CTNNAL1: variants seen among roughly 807,000 people sequenced by gnomAD.
The protein encoded by CTNNAL1 is alpha-catulin.
Under a neutral mutation model 93.6 loss-of-function variants are expected in CTNNAL1, and 69 were observed. The ratio of observed to expected loss-of-function variants is 0.74; its 90% confidence interval spans 0.61 to 0.90. The LOEUF (loss-of-function observed/expected upper bound fraction) is 0.90, where lower values mean the gene tolerates loss of function less well. CTNNAL1 is among the 40% of genes least tolerant of loss of function. The pLI, the probability that CTNNAL1 is intolerant of heterozygous loss-of-function variation, is 0.00. For synonymous variants in CTNNAL1, 286 were observed against 305.4 expected, an observed-to-expected ratio of 0.94 and a Z score of 0.66; for missense variants, 836 against 862.0, an observed-to-expected ratio of 0.97 and a Z score of 0.38.
chr9:108,984,660 G>A (rs1831547210), intron 4 of CTNNAL1, among the ~76,000 whole-genome samples: 2 of 152,044 alleles, frequency 1.3e-5, no homozygotes, highest in South Asian at 4.1e-4. Flanking sequence ...GGGCTAGAGA[G>A]CCAGAAACTG....
intron 4 of CTNNAL1, 139 bp downstream of exon 4, chr9:108,990,587 T>C: frequency 9.9e-7 from 1 of 1,010,180 alleles, no homozygotes; most frequent in East Asian, 2.8e-5. Context: ...TCCTGGCTTA[T>C]CTATGAAAGG....
chr9:108,966,525 T>C (rs573437978), intron 10 of CTNNAL1, among the ~76,000 whole-genome samples: 2 of 152,102 alleles, frequency 1.3e-5, no homozygotes, highest in East Asian at 3.9e-4. Context: ...CCACATCTGA[T>C]GGTTCAATGC....
At chr9:108,969,038 G>A (rs1387971312) in intron 10 of CTNNAL1, among the ~76,000 whole-genome samples, 6 of 152,084 alleles carry the variant, frequency 3.9e-5, no homozygotes, top group Non-Finnish European at 8.8e-5. Flanking sequence ...TTGGGAGGCC[G>A]AGGCGGGGGG....
chr9:108,943,624 C>T, intron 17 of CTNNAL1, 79 bp downstream of exon 17: 1 of 1,210,548 alleles, frequency 8.3e-7, no homozygotes, highest in Non-Finnish European at 1.1e-6. Context: ...TCTGTGGGTA[C>T]TAACAGTTTA....
At chr9:108,976,058 A>G (rs1831258145) in intron 8 of CTNNAL1, among the ~76,000 whole-genome samples, 1 of 152,238 alleles carries the variant, frequency 6.6e-6, no homozygotes, top group South Asian at 2.1e-4. Flanking sequence ...GATACTGTTC[A>G]GTGAGTTTTG....
chr9:108,990,889 A>G, intron 3 of CTNNAL1, 44 bp from the exon 4 acceptor site: 1 of 1,578,804 alleles, frequency 6.3e-7, no homozygotes, highest in Non-Finnish European at 8.6e-7. Context: ...GAGCTACTCA[A>G]GAGACTGAGA....
chr9:108,961,063 G>T (rs1004750006), intron 11 of CTNNAL1, among the ~76,000 whole-genome samples: 1 of 142,820 alleles, frequency 7.0e-6, no homozygotes, highest in Non-Finnish European at 1.5e-5. Context: ...TAGTTGGATG[G>T]TTGAATGATA....
At chr9:108,989,037 G>A (rs1005880439) in intron 4 of CTNNAL1, among the ~76,000 whole-genome samples, 3 of 152,194 alleles carry the variant, frequency 2.0e-5, no homozygotes, top group African/African-American at 7.2e-5. Context: ...CACATTTAAT[G>A]AGCTAAATTG....
chr9:109,006,448 T>C (rs11788284), intron 1 of CTNNAL1, among the ~76,000 whole-genome samples: 5,657 of 152,308 alleles, frequency 0.037, 173 homozygotes, highest in Middle Eastern at 0.061. Context: ...ACCTACACTC[T>C]TAATCACTAC....
At chr9:108,950,375 A>G (rs1489966531) in intron 14 of CTNNAL1, 1 of 969,948 alleles carries the variant, frequency 1.0e-6, no homozygotes, top group Non-Finnish European at 1.5e-6. Context: ...TGCTAACAAC[A>G]GTTAAGAACA....
chr9:108,963,291 T>C (rs1229626477), intron 11 of CTNNAL1, among the ~76,000 whole-genome samples: 1 of 152,198 alleles, frequency 6.6e-6, no homozygotes, highest in Non-Finnish European at 1.5e-5. Flanking sequence ...CAGCCCGATT[T>C]AGAAACTGCG....
chr9:109,002,459 A>G (rs1826865656), intron 1 of CTNNAL1, among the ~76,000 whole-genome samples: 1 of 152,196 alleles, frequency 6.6e-6, no homozygotes, highest in African/African-American at 2.4e-5. Context: ...TCTTACCGGA[A>G]ACTGGAGAAA....
At chr9:108,960,060 A>G (rs1018516792) in intron 11 of CTNNAL1, among the ~76,000 whole-genome samples, 5 of 152,210 alleles carry the variant, frequency 3.3e-5, no homozygotes, top group African/African-American at 1.2e-4. Context: ...ATTTCTTATA[A>G]TTAGCTATCT....
chr9:109,007,162 G>A (rs1006416365), intron 1 of CTNNAL1, among the ~76,000 whole-genome samples: 2 of 152,054 alleles, frequency 1.3e-5, no homozygotes, highest in Non-Finnish European at 2.9e-5. Flanking sequence ...TTGAACCCAG[G>A]AGGTGGAGGT....
chr9:108,980,016 CCTTA>C (rs1831383092), intron 6 of CTNNAL1, among the ~76,000 whole-genome samples: 1 of 152,168 alleles, frequency 6.6e-6, no homozygotes, highest in Admixed American at 6.5e-5. Flanking sequence ...CCCAACAGCA[CCTTA>C]CTGACCCAAA....
chr9:108,985,047 T>TG lies in CTNNAL1; in HGVS notation c.640-612dup, dbSNP rs553632499. Among the ~76,000 whole-genome samples the TG allele has an allele frequency of 2.7e-3, 416 of 152,250 alleles. 4 individuals are homozygous for TG. Among genetic ancestry groups the TG allele is most frequent in the Non-Finnish European group, 4.4e-3 (297 of 68,016 alleles). On this transcript the variant is annotated intron_variant, in intron 4 of 18. Coordinates refer to ENST00000325551, the MANE Select transcript of CTNNAL1 (RefSeq NM_003798.4). ...GCACTGTGTATTGAATTTGTTTTGGTGGGGGGTGACTTCTCCTCACAGAGC... is the reference window on the plus strand; with the variant it reads ...GCACTGTGTATTGAATTTGTTTTGGTGGGGGGGTGACTTCTCCTCACAGAGC...
chr9:108,963,692 G>C (rs995704061), intron 11 of CTNNAL1: 1 of 152,228 alleles, frequency 6.6e-6, no homozygotes, highest in Admixed American at 6.5e-5. Context: ...CTCCCTACTG[G>C]GCTGATGTCA....
Position 109,004,790 on chromosome 9 carries a change from A to T in CTNNAL1, c.142-5534T>A, listed in dbSNP as rs949805963. ...GACAGAGCGAGACTCTGTCTTGAAA[A>T]AAATAAATAAATAAATAAATAAATA... On this transcript the variant is annotated intron_variant, in intron 1 of 18. Coordinates refer to ENST00000325551, the MANE Select transcript of CTNNAL1 (RefSeq NM_003798.4). Among the ~76,000 whole-genome samples, 7 of 152,088 alleles carry T rather than the reference A, an allele frequency of 4.6e-5. No individual in the cohort carries two copies. The East Asian group carries it at 5.8e-4, about 13-fold the overall frequency.
At chr9:108,992,151 A>C in intron 3 of CTNNAL1, 5 of 673,648 alleles carry the variant, frequency 7.4e-6, no homozygotes, top group Non-Finnish European at 1.4e-5. Flanking sequence ...CATAGTGCTC[A>C]CCTTTTCTTT....
Sources: gnomAD v4.1 joint callset for allele counts (sites outside exome capture counted in the v4.1 genomes callset) on GRCh38, gnomAD v4.1.1 for gene constraint, MANE v1.5 for transcripts, NCBI Gene and HGNC (gene_info 2026-07-23, HGNC 2026-07-21) for gene names.